TICAM2: variants seen among roughly 807,000 people sequenced by gnomAD.
The protein encoded by TICAM2 is TIR domain containing adaptor molecule 2.
A neutral mutation model predicts 7.3 loss-of-function variants in TICAM2; 8 were observed. The observed-to-expected ratio is 1.10, with a 90% CI of 0.65 to 1.99. The LOEUF (loss-of-function observed/expected upper bound fraction) is 1.99, where lower values mean the gene tolerates loss of function less well. Among genes scored for constraint, TICAM2 ranks in the 30% most tolerant of loss-of-function variants. The probability of loss-of-function intolerance (pLI) is 0.00; values close to 1 mark genes in which losing one functional copy is unlikely to be tolerated. For missense variants in TICAM2, 304 were observed against 278.8 expected (o/e 1.09, Z -0.65); for synonymous variants, 113 against 99.6 (o/e 1.13, Z -0.80).
Position 115,579,687 on chromosome 5 carries a change from A to G in TICAM2, c.*862T>C, listed in dbSNP as rs1320769504. 2 of 152,262 alleles carry G rather than the reference A, an allele frequency of 1.3e-5. No individual in the cohort carries two copies. The highest frequency in any genetic ancestry group is 2.9e-5 in the Non-Finnish European group (2 of 68,052). 9.4% of individuals were successfully genotyped at this position (152,262 alleles called of 1,614,324 possible). On this transcript the variant is annotated 3_prime_UTR_variant, in exon 2 of 2. Transcript: ENST00000427199. ...CACAGTCAGGCTACTTTGAAGACCT[A>G]AATGAGAAATACTTCCTGAGAAGAG...
chr5:115,596,811 C>T (rs947548974), intron 1 of TICAM2, among the ~76,000 whole-genome samples: 2 of 151,994 alleles, frequency 1.3e-5, no homozygotes, highest in South Asian at 2.1e-4. Flanking sequence ...CCCAGCTACT[C>T]GGGAGGCTGA....
chr5:115,580,528 C>A lies in TICAM2; in HGVS notation c.*21G>T, dbSNP rs760309056. On this transcript the variant is annotated 3_prime_UTR_variant, in exon 2 of 2. Coordinates refer to ENST00000427199, the MANE Select transcript of TICAM2 (RefSeq NM_021649.7). Reference sequence around the variant, plus strand: ...ATTTGGTTTACAAAACAAGAGCCAGCCACATGTTATATGTTTCATCTCAGG... The same window carrying A: ...ATTTGGTTTACAAAACAAGAGCCAGACACATGTTATATGTTTCATCTCAGG... 3 of 1,550,986 alleles carry A rather than the reference C, an allele frequency of 1.9e-6. No homozygotes were observed. Among genetic ancestry groups the A allele is most frequent in the Admixed American group, 4.4e-5 (2 of 45,258 alleles).
At chr5:115,595,535 C>G (rs971070391) in intron 1 of TICAM2, among the ~76,000 whole-genome samples, 1 of 152,216 alleles carries the variant, frequency 6.6e-6, no homozygotes, top group Non-Finnish European at 1.5e-5. Context: ...CCTCCAGTCT[C>G]TTTCCCTTTA....
intron 1 of TICAM2, among the ~76,000 whole-genome samples, chr5:115,584,393 C>T (rs1755032096): frequency 6.6e-6 from 1 of 152,170 alleles, no homozygotes; most frequent in Non-Finnish European, 1.5e-5. Context: ...CATAATCATG[C>T]AGCATGTGGC....
intron 1 of TICAM2, among the ~76,000 whole-genome samples, chr5:115,587,487 T>C (rs1755148106): frequency 6.6e-6 from 1 of 152,158 alleles, no homozygotes. Context: ...GACTGGAAGA[T>C]GCTAGACTGG....
chr5:115,597,792 T>C (rs1755567006), intron 1 of TICAM2, among the ~76,000 whole-genome samples: 1 of 152,146 alleles, frequency 6.6e-6, no homozygotes, highest in South Asian at 2.1e-4. Flanking sequence ...ATACAAAAAG[T>C]CAGCCCTCCG....
chr5:115,585,910 A>G (rs1755086238), intron 1 of TICAM2, among the ~76,000 whole-genome samples: 1 of 152,188 alleles, frequency 6.6e-6, no homozygotes, highest in African/African-American at 2.4e-5. Context: ...CAATAGTAAA[A>G]TGATGATGGC....
chr5:115,586,462 G>T (rs1755110235), intron 1 of TICAM2, among the ~76,000 whole-genome samples: 1 of 151,178 alleles, frequency 6.6e-6, no homozygotes, highest in Admixed American at 6.6e-5. Context: ...AGCAAAGGAG[G>T]CAGAAAAGGA....
intron 1 of TICAM2, among the ~76,000 whole-genome samples, chr5:115,599,916 A>G (rs1340050225): frequency 2.0e-5 from 3 of 151,868 alleles, no homozygotes; most frequent in African/African-American, 4.8e-5. Context: ...TTTGAAGGGA[A>G]ATGAAAGTTC....
At chr5:115,595,138 T>C (rs1478391032) in intron 1 of TICAM2, among the ~76,000 whole-genome samples, 1 of 152,152 alleles carries the variant, frequency 6.6e-6, no homozygotes, top group Non-Finnish European at 1.5e-5. Context: ...GTCAAGCGAA[T>C]AGTACCTGGG....
chr5:115,581,422 C>A (rs764686539), intron 1 of TICAM2, 107 bp from the exon 2 acceptor site: 1 of 1,257,866 alleles, frequency 7.9e-7, no homozygotes, highest in Non-Finnish European at 1.1e-6. Context: ...ATAGACAGAT[C>A]CAAATACATA....
At position 115,597,631 on chromosome 5, in the gene TICAM2, C is replaced by T. The variant is rs572194461; in HGVS notation, c.-60+4466G>A. 2.1e-4 allele frequency among the ~76,000 whole-genome samples: 32 copies of T among 152,210 alleles called. No homozygotes were observed. In the South Asian group the frequency reaches 2.3e-3, roughly 11 times the overall value. On this transcript the variant is annotated intron_variant, in intron 1 of 1. Transcript: ENST00000427199. Reference sequence around the variant, plus strand: ...AGAATATGATCTCAGCTTTGTTAAACAAAATGCAGAGAAAATAGATTAGAA... The same window carrying T: ...AGAATATGATCTCAGCTTTGTTAAATAAAATGCAGAGAAAATAGATTAGAA...
chr5:115,594,458 A>G (rs965715391), intron 1 of TICAM2, among the ~76,000 whole-genome samples: 10 of 152,146 alleles, frequency 6.6e-5, no homozygotes, highest in African/African-American at 2.2e-4. Flanking sequence ...GCCAAATAGC[A>G]GAGTTATACA....
rs775083666 is a variant in TICAM2, at chr5:115,581,204, C to T, written c.53G>A (p.Gly18Asp). The T allele has an allele frequency of 7.4e-6, 12 of 1,612,568 alleles. No homozygotes were observed. Among genetic ancestry groups the T allele is most frequent in the Non-Finnish European group, 1.0e-5 (12 of 1,179,976 alleles). The change falls in exon 2 of 2, where the codon GGT becomes GAT. Residue 18 changes from glycine (G) to aspartate (D), a missense_variant. Physicochemically the swap from Gly to Asp is moderately conservative, Grantham distance 94. Transcript: ENST00000427199. Reference sequence around the variant, plus strand: ...ACTTGTATCCACACTGTGCCTTTTACCCCAAGAGAGAGAAAGAGGGCAGGA... The same window carrying T: ...ACTTGTATCCACACTGTGCCTTTTATCCCAAGAGAGAGAAAGAGGGCAGGA... Reference protein sequence around the residue: ...INSCPLSLSWGKRHSVDTSPG... With the variant: ...INSCPLSLSWDKRHSVDTSPG...
At chr5:115,590,437 T>C (rs1176140114) in intron 1 of TICAM2, among the ~76,000 whole-genome samples, 1 of 152,210 alleles carries the variant, frequency 6.6e-6, no homozygotes, top group African/African-American at 2.4e-5. Context: ...ATGAAACCTT[T>C]CCACAGTGCT....
chr5:115,595,498 T>A (rs952285870), intron 1 of TICAM2, among the ~76,000 whole-genome samples: 2 of 152,176 alleles, frequency 1.3e-5, no homozygotes, highest in Non-Finnish European at 2.9e-5. Context: ...GATTACAAAT[T>A]CCCATAATAT....
rs780231298 is a variant in TICAM2, at chr5:115,580,536, T to G, written c.*13A>C. ...TACAAAACAAGAGCCAGCCACATGT[T>G]ATATGTTTCATCTCAGGCAATAAAT... On this transcript the variant is annotated 3_prime_UTR_variant, in exon 2 of 2. Coordinates refer to ENST00000427199, the MANE Select transcript of TICAM2 (RefSeq NM_021649.7). 4.5e-6 allele frequency: 7 copies of G among 1,570,592 alleles called. No individual in the cohort carries two copies. The highest frequency in any genetic ancestry group is 5.2e-6 in the Non-Finnish European group (6 of 1,164,850).
intron 1 of TICAM2, among the ~76,000 whole-genome samples, chr5:115,595,111 C>T (rs942676398): frequency 6.6e-6 from 1 of 152,032 alleles, no homozygotes; most frequent in Non-Finnish European, 1.5e-5. Flanking sequence ...CTCTGTTGAC[C>T]AAAGTTTGCT....
intron 1 of TICAM2, among the ~76,000 whole-genome samples, chr5:115,582,940 T>G (rs951358321): frequency 6.6e-6 from 1 of 152,224 alleles, no homozygotes; most frequent in Non-Finnish European, 1.5e-5. Flanking sequence ...TGCCTCTGAC[T>G]AGTGAGGAAA....
Sources: gnomAD v4.1 joint callset for allele counts (sites outside exome capture counted in the v4.1 genomes callset) on GRCh38, gnomAD v4.1.1 for gene constraint, MANE v1.5 for transcripts, NCBI Gene and HGNC (gene_info 2026-07-23, HGNC 2026-07-21) for gene names.